Variants in THSD4 observed in about 807,000 individuals in gnomAD.
The protein encoded by THSD4 is thrombospondin type 1 domain containing 4.
In THSD4, 69 loss-of-function variants were observed where a neutral mutation model predicts 119.0. The observed-to-expected ratio is 0.58, with a 90% CI of 0.48 to 0.71. The LOEUF is 0.71. Ranked by LOEUF, THSD4 falls within the 30% of genes least tolerant of loss-of-function variation. The pLI is 0.00. For missense variants in THSD4, 1,393 were observed against 1,391.1 expected (o/e 1.00, Z -0.02); for synonymous variants, 524 against 540.4 (o/e 0.97, Z 0.42).
At chr15:71,389,827 T>TTTTTTTTTTTTTTTTTTTTTG (rs56316633) in intron 6 of THSD4, among the ~76,000 whole-genome samples, 1 of 142,914 alleles carries the variant, frequency 7.0e-6, no homozygotes, top group African/African-American at 2.7e-5. Context: ...TTTTTTTTTT[T>TTTTTTTTTTTTTTTTTTTTTG]GACACAGAGT....
intron 6 of THSD4, among the ~76,000 whole-genome samples, chr15:71,342,022 A>G (rs573433530): frequency 1.3e-5 from 2 of 152,314 alleles, no homozygotes; most frequent in African/African-American, 4.8e-5. Flanking sequence ...GTAGATGAGG[A>G]TAGTCACAGC....
At chr15:71,433,453 TTTG>T (rs2140537220) in intron 7 of THSD4, among the ~76,000 whole-genome samples, 1 of 148,812 alleles carries the variant, frequency 6.7e-6, no homozygotes, top group African/African-American at 2.4e-5. Flanking sequence ...ACTTTTTTTC[TTTG>T]TTTTTTTTTT....
chr15:71,599,622 A>G (rs953576248), intron 7 of THSD4, among the ~76,000 whole-genome samples: 30 of 152,188 alleles, frequency 2.0e-4, no homozygotes, highest in African/African-American at 7.2e-4. Flanking sequence ...CATGCCATCA[A>G]GCCCGTGGTA....
intron 6 of THSD4, among the ~76,000 whole-genome samples, chr15:71,297,285 ATATT>A (rs754610937): frequency 4.7e-5 from 7 of 147,992 alleles, no homozygotes; most frequent in Non-Finnish European, 1.0e-4. Context: ...TTGCAGAAAA[ATATT>A]TATTCAAGTC....
intron 7 of THSD4, among the ~76,000 whole-genome samples, chr15:71,523,779 TA>T (rs1339786229): frequency 1.3e-5 from 2 of 152,170 alleles, no homozygotes; most frequent in Non-Finnish European, 2.9e-5. Context: ...GTGTGGTCAG[TA>T]AGAGAAAGAG....
chr15:71,252,489 G>A (rs2044270241), intron 5 of THSD4, among the ~76,000 whole-genome samples: 1 of 152,232 alleles, frequency 6.6e-6, no homozygotes, highest in African/African-American at 2.4e-5. Flanking sequence ...GCTCCTTGTG[G>A]TGGAGGCCAG....
At chr15:71,497,324 C>T (rs1203460294) in intron 7 of THSD4, among the ~76,000 whole-genome samples, 1 of 152,002 alleles carries the variant, frequency 6.6e-6, no homozygotes, top group Non-Finnish European at 1.5e-5. Context: ...ACCAGCCTGG[C>T]CAATGTGGCA....
In THSD4 at chr15:71,512,059, G is replaced by C. The variant is rs137935080; in HGVS notation, c.1152+100236G>C. ...TATCCCCTACAGAGACCTTTCTCTG[G>C]CTTCTCTGGAGACCGAGTTTTGTTG... On this transcript the variant is annotated intron_variant, in intron 7 of 17. Transcript: ENST00000261862. Among the ~76,000 whole-genome samples the C allele has an allele frequency of 2.0e-3, 307 of 152,232 alleles. 4 individuals carry two copies. The Middle Eastern group carries it at 0.024, about 12-fold the overall frequency.
intron 7 of THSD4, among the ~76,000 whole-genome samples, chr15:71,618,474 A>G (rs1303739255): frequency 6.6e-6 from 1 of 152,234 alleles, no homozygotes; most frequent in Non-Finnish European, 1.5e-5. Flanking sequence ...GCTAAAGACA[A>G]CACAAAATAT....
At chr15:71,142,055 T>G (rs1308288541) in intron 2 of THSD4, among the ~76,000 whole-genome samples, 4 of 152,076 alleles carry the variant, frequency 2.6e-5, no homozygotes, top group African/African-American at 7.3e-5. Flanking sequence ...CAATGTATAT[T>G]TACCGTGGTT....
At chr15:71,402,130 C>A (rs1351680608) in intron 6 of THSD4, among the ~76,000 whole-genome samples, 2 of 151,588 alleles carry the variant, frequency 1.3e-5, no homozygotes, top group African/African-American at 4.9e-5. Context: ...GAGGGATAGC[C>A]TTAGGAGATA....
chr15:71,610,804 G>C (rs537408940), intron 7 of THSD4, among the ~76,000 whole-genome samples: 1 of 152,262 alleles, frequency 6.6e-6, no homozygotes, highest in African/African-American at 2.4e-5. Context: ...TCATTCTCCA[G>C]ATATAAATTG....
At chr15:71,677,730 G>A (rs539189634) in intron 8 of THSD4, among the ~76,000 whole-genome samples, 8 of 152,318 alleles carry the variant, frequency 5.3e-5, no homozygotes, top group African/African-American at 1.9e-4. Flanking sequence ...CCCTGGAAAT[G>A]TGAGACTGAG....
chr15:71,124,125 A>T (rs1483829935), intron 1 of THSD4, among the ~76,000 whole-genome samples: 2 of 152,082 alleles, frequency 1.3e-5, no homozygotes, highest in Admixed American at 6.5e-5. Context: ...GACTGTCAAG[A>T]TTGGGGGTCC....
chr15:71,743,274 T>A (rs2141164382), intron 11 of THSD4, among the ~76,000 whole-genome samples: 1 of 152,248 alleles, frequency 6.6e-6, no homozygotes, highest in Admixed American at 6.5e-5. Flanking sequence ...TCCTTTTGAT[T>A]AAAAAAATTT....
At chr15:71,430,775 A>AG (rs1443626169) in intron 7 of THSD4, among the ~76,000 whole-genome samples, 17 of 148,078 alleles carry the variant, frequency 1.1e-4, no homozygotes, top group Admixed American at 1.4e-4. Flanking sequence ...AAAAAAAAAA[A>AG]AAAAAAAAGA....
intron 7 of THSD4, among the ~76,000 whole-genome samples, chr15:71,538,630 A>G (rs2048717555): frequency 6.6e-6 from 1 of 152,256 alleles, no homozygotes; most frequent in Admixed American, 6.5e-5. Flanking sequence ...AGGGCTTGTT[A>G]TAACACAAAT....
At chr15:71,693,898 A>G (rs1443265812) in intron 8 of THSD4, among the ~76,000 whole-genome samples, 1 of 152,154 alleles carries the variant, frequency 6.6e-6, no homozygotes, top group African/African-American at 2.4e-5. Flanking sequence ...CTATGAGTCC[A>G]TTAAGCCTGT....
At chr15:71,174,870 G>C (rs571894891) in intron 3 of THSD4, among the ~76,000 whole-genome samples, 3,658 of 151,226 alleles carry the variant, frequency 0.024, 68 homozygotes, top group Middle Eastern at 0.062. Flanking sequence ...CCCCCCAGCA[G>C]GGGCACACTG....
Sources: gnomAD v4.1 joint callset for allele counts (sites outside exome capture counted in the v4.1 genomes callset) on GRCh38, gnomAD v4.1.1 for gene constraint, MANE v1.5 for transcripts, NCBI Gene and HGNC (gene_info 2026-07-23, HGNC 2026-07-21) for gene names.